The following ADAMTSL3 variants were observed in gnomAD, a reference collection of about 807,000 sequenced individuals.
ADAMTSL3 encodes ADAMTS-like protein 3.
In ADAMTSL3, 128 loss-of-function variants were observed where a neutral mutation model predicts 201.7. That is an observed-to-expected ratio of 0.63 (90% CI 0.55 to 0.73). The LOEUF (loss-of-function observed/expected upper bound fraction) is 0.73. ADAMTSL3 is among the 30% of genes least tolerant of loss of function. ADAMTSL3 has a pLI of 0.00. For synonymous variants in ADAMTSL3, 738 were observed against 748.4 expected (o/e 0.99, Z 0.23); for missense variants, 1,990 against 2,119.6 (o/e 0.94, Z 1.20).
chr15:83,914,307 A>C (rs1291219592), intron 16 of ADAMTSL3, among the ~76,000 whole-genome samples: 1 of 150,824 alleles, frequency 6.6e-6, no homozygotes, highest in African/African-American at 2.4e-5. Context: ...ATTACTTGAA[A>C]CTCCCTATCA....
intron 3 of ADAMTSL3, among the ~76,000 whole-genome samples, chr15:83,767,075 C>G (rs962417425): frequency 1.3e-5 from 2 of 152,136 alleles, no homozygotes; most frequent in African/African-American, 4.8e-5. Flanking sequence ...GCCTGGGTGA[C>G]AGAGTAAGAC....
In ADAMTSL3 at chr15:83,831,326, A is replaced by G. The variant is rs554905336; in HGVS notation, c.601-6763A>G. Among the ~76,000 whole-genome samples, 33 of 152,244 alleles carry G rather than the reference A, an allele frequency of 2.2e-4. No individual in the cohort carries two copies. In the Middle Eastern group the frequency reaches 0.014, roughly 63 times the overall value. On this transcript the variant is annotated intron_variant, in intron 6 of 29. Coordinates refer to ENST00000286744, the MANE Select transcript of ADAMTSL3 (RefSeq NM_207517.3). ...GTCAACCCACTACACATGGTAAGGA[A>G]TGAATAGGCTGAAATGAGTAGGGAT... is the stretch of plus-strand genomic sequence containing the variant.
At chr15:83,937,547 A>G (rs1327621118) in intron 17 of ADAMTSL3, among the ~76,000 whole-genome samples, 2 of 150,964 alleles carry the variant, frequency 1.3e-5, no homozygotes, top group East Asian at 3.9e-4. Flanking sequence ...TTGAAAAAGT[A>G]CCTACCAGGT....
At chr15:83,667,227 T>A (rs1304970544) in intron 2 of ADAMTSL3, among the ~76,000 whole-genome samples, 1 of 152,164 alleles carries the variant, frequency 6.6e-6, no homozygotes, top group African/African-American at 2.4e-5. Flanking sequence ...CTTTCCGTCT[T>A]TTCTTGTGCT....
chr15:83,672,204 C>G (rs2061337927), intron 2 of ADAMTSL3, among the ~76,000 whole-genome samples: 1 of 152,132 alleles, frequency 6.6e-6, no homozygotes, highest in African/African-American at 2.4e-5. Flanking sequence ...TTTAGGAGTA[C>G]ATTTTAAGCT....
chr15:83,871,715 A>C (rs370847702), intron 9 of ADAMTSL3, among the ~76,000 whole-genome samples: 2 of 152,166 alleles, frequency 1.3e-5, no homozygotes, highest in South Asian at 4.1e-4. Context: ...GAGGACATGA[A>C]GTATAGTGGC....
intron 4 of ADAMTSL3, among the ~76,000 whole-genome samples, chr15:83,788,998 A>G (rs2063305329): frequency 6.6e-6 from 1 of 151,914 alleles, no homozygotes; most frequent in South Asian, 2.1e-4. Context: ...TTTAGTAGAG[A>G]TGGGGTTTCA....
chr15:84,017,340 A>G (rs982866701), intron 25 of ADAMTSL3, among the ~76,000 whole-genome samples: 8 of 152,092 alleles, frequency 5.3e-5, no homozygotes, highest in Admixed American at 2.0e-4. Context: ...GATGATCTCG[A>G]TCTCCTGACC....
At chr15:83,726,911 G>C (rs1233116245) in intron 3 of ADAMTSL3, among the ~76,000 whole-genome samples, 2 of 151,622 alleles carry the variant, frequency 1.3e-5, no homozygotes, top group African/African-American at 2.4e-5. Context: ...TGGCCTCAGA[G>C]AATGAGTCTG....
rs770016126 is a variant in ADAMTSL3, at chr15:83,991,131, A to G, written c.3890A>G (p.Glu1297Gly). 1 of 1,614,092 alleles carries G rather than the reference A, an allele frequency of 6.2e-7. No homozygotes were observed. The highest frequency in any genetic ancestry group is 1.3e-5 in the African/African-American group (1 of 74,932). ...GTTGAAAGAAATATCACCAAACCAG[A>G]GCACAACCATCTGTCTGTTGTGGTT... ...LSVERNITKPEHNHLSVVVGG... is the reference protein window; with the variant it reads ...LSVERNITKPGHNHLSVVVGG... Residue 1297 changes from glutamate (E) to glycine (G), a missense_variant, in exon 23 of 30, where the codon GAG becomes GGG. By Grantham distance (98) the Glu-to-Gly change is moderately conservative. Transcript: ENST00000286744.
chr15:84,037,562 A>G lies in ADAMTSL3; in HGVS notation c.4970-138A>G, dbSNP rs574894270. 22 of 952,526 alleles carry G rather than the reference A, an allele frequency of 2.3e-5. No individual in the cohort carries two copies. The East Asian group carries it at 5.2e-4, about 23-fold the overall frequency. 59.0% of individuals were successfully genotyped at this position (952,526 alleles called of 1,614,324 possible). On this transcript the variant is annotated intron_variant, in intron 29 of 29. Coordinates refer to ENST00000286744, the MANE Select transcript of ADAMTSL3 (RefSeq NM_207517.3). ...TCCAATGCACTTCTGACTCTCATGCAAAACAATGGCCCTAACCCAAAGCTG... is the reference window on the plus strand; with the variant it reads ...TCCAATGCACTTCTGACTCTCATGCGAAACAATGGCCCTAACCCAAAGCTG...
intron 2 of ADAMTSL3, among the ~76,000 whole-genome samples, chr15:83,700,647 C>G (rs2061761540): frequency 1.3e-5 from 2 of 152,056 alleles, no homozygotes; most frequent in African/African-American, 4.8e-5. Context: ...ACTTGTAATC[C>G]CAGCTACTAG....
At chr15:83,732,587 T>C (rs939954274) in intron 3 of ADAMTSL3, among the ~76,000 whole-genome samples, 2 of 152,142 alleles carry the variant, frequency 1.3e-5, no homozygotes, top group Admixed American at 1.3e-4. Context: ...ATTAATGAAT[T>C]TGGATTACAA....
chr15:83,832,238 A>G (rs1037694309), intron 6 of ADAMTSL3, among the ~76,000 whole-genome samples: 8 of 151,924 alleles, frequency 5.3e-5, no homozygotes, highest in East Asian at 1.9e-4. Context: ...CCCTTCCCAC[A>G]TTTACCCTTC....
At chr15:83,807,233 A>C (rs918674542) in intron 5 of ADAMTSL3, among the ~76,000 whole-genome samples, 1 of 152,176 alleles carries the variant, frequency 6.6e-6, no homozygotes, top group African/African-American at 2.4e-5. Context: ...AGGCAGGTGG[A>C]TCACGAGGTC....
intron 4 of ADAMTSL3, 135 bp from the exon 5 acceptor site, chr15:83,804,515 A>G (rs2063572426): frequency 1.7e-6 from 1 of 605,582 alleles, no homozygotes; most frequent in Non-Finnish European, 2.9e-6. Context: ...TAAACTTTGA[A>G]TCTTTGGGGT....
intron 3 of ADAMTSL3, among the ~76,000 whole-genome samples, chr15:83,747,138 C>G (rs567347141): frequency 1.3e-5 from 2 of 152,208 alleles, no homozygotes; most frequent in South Asian, 4.1e-4. Context: ...TGTTAGGTGT[C>G]ACTTGGAAGT....
chr15:83,806,152 C>T (rs1438216049), intron 5 of ADAMTSL3, among the ~76,000 whole-genome samples: 3 of 13,428 alleles, frequency 2.2e-4, no homozygotes, highest in Non-Finnish European at 3.3e-4. Context: ...CAGATGACTG[C>T]AGCACCACAA....
chr15:83,773,182 C>T lies in ADAMTSL3; in HGVS notation c.190-341C>T, dbSNP rs1176122494. 4.0e-5 allele frequency among the ~76,000 whole-genome samples: 6 copies of T among 151,748 alleles called. No homozygotes were observed. In the East Asian group the frequency reaches 5.8e-4, roughly 15 times the overall value. ...TGACTCTGGATTTGGGAGGCTGAGG[C>T]GGGCAGATCACCTGAGGTTAGGAGT... On this transcript the variant is annotated intron_variant, in intron 3 of 29. Coordinates refer to ENST00000286744, the MANE Select transcript of ADAMTSL3 (RefSeq NM_207517.3).
Sources: gnomAD v4.1 joint callset for allele counts (sites outside exome capture counted in the v4.1 genomes callset) on GRCh38, gnomAD v4.1.1 for gene constraint, MANE v1.5 for transcripts, NCBI Gene and HGNC (gene_info 2026-07-23, HGNC 2026-07-21) for gene names.